Variants in LASP1 observed in about 807,000 individuals in gnomAD.
The protein encoded by LASP1 is LIM and SH3 protein 1.
Under a neutral mutation model 38.6 loss-of-function variants are expected in LASP1, and 10 were observed. The ratio of observed to expected loss-of-function variants is 0.26; its 90% CI spans 0.16 to 0.44. The LOEUF is 0.44. Among genes scored for constraint, LASP1 ranks in the 20% least tolerant of loss-of-function variants. The probability of loss-of-function intolerance (pLI) is 1.00; values close to 1 mark genes in which losing one functional copy is unlikely to be tolerated. For synonymous variants in LASP1, 132 were observed against 140.8 expected (o/e 0.94, Z 0.44); for missense variants, 243 against 375.7 (o/e 0.65, Z 2.92).
chr17:38,895,193 A>T (rs1207271067), intron 3 of LASP1, among the ~76,000 whole-genome samples: 3 of 148,240 alleles, frequency 2.0e-5, no homozygotes, highest in South Asian at 2.2e-4. Context: ...TTTTTTTTTT[A>T]AATAGAGATG....
At chr17:38,914,225 C>A in intron 4 of LASP1, 100 bp from the exon 5 acceptor site, 1 of 1,396,610 alleles carries the variant, frequency 7.2e-7, no homozygotes, top group Non-Finnish European at 9.9e-7. Context: ...GTACCCAAAG[C>A]TCTTGGGTAG....
At chr17:38,890,568 C>T (rs777055556) in intron 3 of LASP1, 64 bp downstream of exon 3, 81 of 1,459,134 alleles carry the variant, frequency 5.6e-5, no homozygotes, top group African/African-American at 1.4e-4. Context: ...GTTGTAAGGT[C>T]GGCATTTGGC....
Position 38,884,687 on chromosome 17 carries a change from C to CTTT in LASP1, c.165-5714_165-5712dup, listed in dbSNP as rs1202417090. The stretch of plus-strand genomic sequence containing the variant: ...TTACAGCGTGAGCCACCACGTCCGG[C>CTTT]TTTTTTTTTTTTTTTTTTTTTGAGA... On this transcript the variant is annotated intron_variant, in intron 2 of 6. Coordinates refer to ENST00000318008, the MANE Select transcript of LASP1 (RefSeq NM_006148.4). 3.9e-3 allele frequency among the ~76,000 whole-genome samples: 406 copies of CTTT among 102,870 alleles called. 17 individuals carry two copies. The highest frequency in any genetic ancestry group is 5.7e-3 in the Non-Finnish European group (294 of 51,430). 67.5% of individuals were successfully genotyped at this position (102,870 alleles called of 152,430 possible).
At chr17:38,916,830 C>G (rs562996645) in intron 6 of LASP1, 1 of 151,978 alleles carries the variant, frequency 6.6e-6, no homozygotes, top group Non-Finnish European at 1.5e-5. Flanking sequence ...CATTTGCACT[C>G]CAGCCTGGGC....
intron 2 of LASP1, among the ~76,000 whole-genome samples, chr17:38,886,950 GT>G (rs1287860367): frequency 1.3e-5 from 2 of 152,164 alleles, no homozygotes; most frequent in East Asian, 3.9e-4. Context: ...GCTCAGGCTG[GT>G]CTCAAACTCC....
rs1329466978 is a variant in LASP1 at position 38,898,809 on chromosome 17, A to G, written c.357+290A>G. ...CTGACTGTTGTTCTTTTTTCTGGAT[A>G]TCGTGGGTATCGGTGAAGACTGCAT... On this transcript the variant is annotated intron_variant, in intron 4 of 6. Transcript: ENST00000318008. 21 of 500,098 alleles carry G rather than the reference A, an allele frequency of 4.2e-5. No individual in the cohort carries two copies. The East Asian group carries it at 1.1e-3, about 26-fold the overall frequency. The allele number at this position is 500,098 out of a possible 1,614,324, so 31.0% of individuals were successfully genotyped here.
intron 2 of LASP1, among the ~76,000 whole-genome samples, chr17:38,878,707 C>T (rs1341273696): frequency 9.9e-5 from 15 of 152,144 alleles, no homozygotes; most frequent in Admixed American, 9.8e-4. Context: ...CAAGAAAACT[C>T]TCTGGAAGCC....
At chr17:38,901,922 C>T (rs1914651425) in intron 4 of LASP1, among the ~76,000 whole-genome samples, 1 of 152,020 alleles carries the variant, frequency 6.6e-6, no homozygotes, top group African/African-American at 2.4e-5. Flanking sequence ...CCCGCCACCA[C>T]GCCCGGCTAA....
At chr17:38,886,913 T>G (rs1473265269) in intron 2 of LASP1, among the ~76,000 whole-genome samples, 2 of 152,142 alleles carry the variant, frequency 1.3e-5, no homozygotes, top group Non-Finnish European at 2.9e-5. Context: ...ATTTATTTAT[T>G]TAATAAAAAC....
At chr17:38,888,479 TG>T (rs1914211554) in intron 2 of LASP1, among the ~76,000 whole-genome samples, 2 of 152,156 alleles carry the variant, frequency 1.3e-5, no homozygotes, top group South Asian at 4.1e-4. Context: ...GATTTCGCCA[TG>T]TTAGCCAGGC....
chr17:38,904,879 G>C (rs1914734303), intron 4 of LASP1, among the ~76,000 whole-genome samples: 1 of 152,144 alleles, frequency 6.6e-6, no homozygotes, highest in Admixed American at 6.6e-5. Flanking sequence ...TCTGAAGGCA[G>C]GTTTGTTGGA....
chr17:38,919,696 CGCTCCTCCCT>C lies in LASP1; in HGVS notation c.*926_*935del, dbSNP rs1297656847. The C allele has an allele frequency of 2.8e-6, 1 of 357,790 alleles. No individual in the cohort carries two copies. Among genetic ancestry groups the C allele is most frequent in the Non-Finnish European group, 5.4e-6 (1 of 186,442 alleles). The allele number at this position is 357,790 out of a possible 1,614,324, so 22.2% of individuals were successfully genotyped here. ...GCCCCCAGGATCTGGGTTAGGTGGC[CGCTCCTCCCT>C]GCTCCTCATGGGAAGATGTCTCAGA... On this transcript the variant is annotated 3_prime_UTR_variant, in exon 7 of 7. Transcript: ENST00000318008.
At chr17:38,885,574 GC>G (rs777256536) in intron 2 of LASP1, among the ~76,000 whole-genome samples, 5 of 152,190 alleles carry the variant, frequency 3.3e-5, no homozygotes, top group Non-Finnish European at 5.9e-5. Context: ...TTAACAAGGG[GC>G]CAGTACAGGC....
At chr17:38,911,230 G>A (rs1914932604) in intron 4 of LASP1, among the ~76,000 whole-genome samples, 1 of 152,158 alleles carries the variant, frequency 6.6e-6, no homozygotes, top group African/African-American at 2.4e-5. Context: ...CAGGTGCTAT[G>A]GAAGCCCTGG....
Position 38,918,472 on chromosome 17 carries a change from G to C in LASP1, c.613-133G>C. 1 of 862,342 alleles carries C rather than the reference G, an allele frequency of 1.2e-6. No homozygotes were observed. Among genetic ancestry groups the C allele is most frequent in the Non-Finnish European group, 1.8e-6 (1 of 552,606 alleles). 53.4% of individuals were successfully genotyped at this position (862,342 alleles called of 1,614,324 possible). A position where few individuals can be genotyped will look rare whatever the true frequency, so the allele number is the denominator to read the frequency against. ...ACAGAGGTTAAGAATCTTTGCAGCAGAGCCTGGTGCTCCATTTCTGAGTTC... is the reference window on the plus strand; with the variant it reads ...ACAGAGGTTAAGAATCTTTGCAGCACAGCCTGGTGCTCCATTTCTGAGTTC... On this transcript the variant is annotated intron_variant, in intron 6 of 6. Transcript: ENST00000318008. This position sits in a 1 kb window ranked among gnomAD's most constrained non-coding sequence, Gnocchi z 4.4.
chr17:38,903,158 G>A (rs1914690389), intron 4 of LASP1, among the ~76,000 whole-genome samples: 1 of 152,190 alleles, frequency 6.6e-6, no homozygotes. Context: ...GATAAGTGCA[G>A]TCTGTCTTCA....
chr17:38,907,872 T>C (rs741021), intron 4 of LASP1, among the ~76,000 whole-genome samples: 4,756 of 152,260 alleles, frequency 0.031, 253 homozygotes, highest in African/African-American at 0.11. Flanking sequence ...CTGGTCAGGG[T>C]TTGCAGGACC....
rs749515022 is a variant in LASP1 at position 38,918,785 on chromosome 17, A to G, written c.*7A>G. On this transcript the variant is annotated 3_prime_UTR_variant, in exon 7 of 7. Transcript: ENST00000318008. The surrounding 1 kb of genome is among the most constrained non-coding windows in gnomAD (Gnocchi z 4.4). ...CTACGTGGAGGCCATCTGAACCCGC[A>G]GCGCCCCCATCTGTCTTCAGCACAT... 2 of 1,613,200 alleles carry G rather than the reference A, an allele frequency of 1.2e-6. No individual in the cohort carries two copies. The highest frequency in any genetic ancestry group is 1.7e-5 in the Admixed American group (1 of 60,016).
chr17:38,914,666 G>A (rs982603674), intron 5 of LASP1, among the ~76,000 whole-genome samples, 191 bp downstream of exon 5: 4 of 134,808 alleles, frequency 3.0e-5, no homozygotes, highest in South Asian at 2.4e-4. Context: ...GGAGGAAGTC[G>A]GCGAGAGACA....
Sources: gnomAD v4.1 joint callset for allele counts (sites outside exome capture counted in the v4.1 genomes callset) on GRCh38, gnomAD v4.1.1 for gene constraint, Gnocchi (gnomAD v3.1) non-coding constraint, MANE v1.5 for transcripts, NCBI Gene and HGNC (gene_info 2026-07-23, HGNC 2026-07-21) for gene names.